Variants in PCDHGB1 observed in about 807,000 individuals in gnomAD.
PCDHGB1 encodes the protein protocadherin gamma-B1.
PCDHGB1 carries 34 observed loss-of-function variants against 56.6 expected under a neutral mutation model. The ratio of observed to expected loss-of-function variants is 0.60; its 90% confidence interval spans 0.46 to 0.80. The LOEUF is 0.80. Ranked by LOEUF, PCDHGB1 falls within the 30% of genes least tolerant of loss-of-function variation. The pLI, the probability that PCDHGB1 is intolerant of heterozygous loss-of-function variation, is 0.00. For missense variants in PCDHGB1, 1,278 were observed against 1,204.6 expected (o/e 1.06, Z -0.90); for synonymous variants, 561 against 505.9 (o/e 1.11, Z -1.46).
intron 1 of PCDHGB1, chr5:141,395,097 G>C (rs376460647): frequency 1.9e-6 from 3 of 1,614,158 alleles, no homozygotes; most frequent in Non-Finnish European, 2.5e-6. Flanking sequence ...CCTCACCGCC[G>C]ACTCGCGGAA....
intron 1 of PCDHGB1, chr5:141,399,894 C>T (rs201911174): frequency 1.9e-6 from 3 of 1,612,570 alleles, no homozygotes; most frequent in Non-Finnish European, 2.5e-6. Context: ...AGGTAGTGGC[C>T]GTGGACGCAG....
chr5:141,424,055 C>A, intron 1 of PCDHGB1: 2 of 1,007,784 alleles, frequency 2.0e-6, no homozygotes, highest in Non-Finnish European at 1.2e-6. Context: ...TTTTGCTGTG[C>A]CTTCACTGAT....
At chr5:141,393,211 T>G (rs1310978287) in intron 1 of PCDHGB1, 3 of 1,613,502 alleles carry the variant, frequency 1.9e-6, no homozygotes, top group Non-Finnish European at 1.7e-6. Flanking sequence ...AACCCAAAAT[T>G]CCAGGTCGAA....
At chr5:141,510,906 C>G in intron 3 of PCDHGB1, 41 bp from the exon 4 acceptor site, 1 of 1,613,582 alleles carries the variant, frequency 6.2e-7, no homozygotes, top group Non-Finnish European at 8.5e-7. Context: ...TGTTGAGGAC[C>G]CTAAGTTTAG....
intron 1 of PCDHGB1, chr5:141,361,139 T>G (rs1305491971): frequency 1.2e-6 from 2 of 1,613,878 alleles, no homozygotes; most frequent in Non-Finnish European, 1.7e-6. Context: ...AGTATCCAAG[T>G]TGAAATTCTT....
chr5:141,427,481 C>G, intron 1 of PCDHGB1: 2 of 534,060 alleles, frequency 3.7e-6, no homozygotes, highest in Non-Finnish European at 7.2e-6. Flanking sequence ...CCAATAATGA[C>G]TATAAGCTTG....
chr5:141,370,709 A>G lies in PCDHGB1; in HGVS notation c.2409+18040A>G, dbSNP rs759693672. On this transcript the variant is annotated intron_variant, in intron 1 of 3. Coordinates refer to ENST00000523390, the MANE Select transcript of PCDHGB1 (RefSeq NM_018922.3). ...GCAAGAAGTCGACGTGTGTTCTGGA[A>G]TTTGAAATGGTTGCTGAAAAGCCTT... 3 of 1,613,738 alleles carry G rather than the reference A, an allele frequency of 1.9e-6. No individual in the cohort carries two copies. The African/African-American group carries it at 4.0e-5, about 22-fold the overall frequency.
intron 1 of PCDHGB1, chr5:141,418,998 G>C (rs757681244): frequency 1.9e-6 from 3 of 1,613,940 alleles, no homozygotes; most frequent in South Asian, 1.1e-5. Context: ...GGGGAAAATG[G>C]GGAAGTCAGG....
At chr5:141,371,401 A>G (rs776331475) in intron 1 of PCDHGB1, 4 of 1,614,018 alleles carry the variant, frequency 2.5e-6, no homozygotes, top group Admixed American at 3.3e-5. Flanking sequence ...GTACAGATAG[A>G]TATTTCAGAT....
rs1433950900 is a variant in PCDHGB1, at chr5:141,350,227, C to G, written c.-34C>G. ...CTGCCATTTCTTTTTGAAAAACATC[C>G]CAGAGGAAAGAAGCTCCGCGGAGAG... is the stretch of plus-strand genomic sequence containing the variant. On this transcript the variant is annotated 5_prime_UTR_variant, in exon 1 of 4. Coordinates refer to ENST00000523390, the MANE Select transcript of PCDHGB1 (RefSeq NM_018922.3). The G allele has an allele frequency of 1.3e-6, 2 of 1,496,214 alleles. No individual in the cohort carries two copies. The highest frequency in any genetic ancestry group is 2.3e-5 in the East Asian group (1 of 43,414). The allele number at this position is 1,496,214 out of a possible 1,614,324, so 92.7% of individuals were successfully genotyped here. A position where few individuals can be genotyped will look rare whatever the true frequency, so the allele number is the denominator to read the frequency against.
rs765819865 is a variant in PCDHGB1, at chr5:141,394,837, TG to T, written c.2409+42171del. ...AGCATCCCCGAAGTCCTGACCGAGT[TG>T]GGCAGTCTGAAGCCTTCGGTCGACC... On this transcript the variant is annotated intron_variant, in intron 1 of 3. Transcript: ENST00000523390. The T allele has an allele frequency of 1.9e-6, 3 of 1,613,824 alleles. No homozygotes were observed. The South Asian group carries it at 3.3e-5, about 18-fold the overall frequency.
chr5:141,408,559 C>T (rs1490844526), intron 1 of PCDHGB1: 3 of 1,614,000 alleles, frequency 1.9e-6, no homozygotes, highest in Non-Finnish European at 2.5e-6. Flanking sequence ...TTTTTCATGT[C>T]ATTGTGGTGA....
At chr5:141,371,477 GCTGGGGA>G (rs1767781947) in intron 1 of PCDHGB1, 2 of 1,613,972 alleles carry the variant, frequency 1.2e-6, no homozygotes, top group African/African-American at 2.7e-5. Flanking sequence ...AAGATGCTGA[GCTGGGGA>G]CTGCCGTTGC....
intron 1 of PCDHGB1, among the ~76,000 whole-genome samples, chr5:141,451,579 A>T (rs1222576609): frequency 6.6e-6 from 1 of 152,084 alleles, no homozygotes; most frequent in African/African-American, 2.4e-5. Flanking sequence ...TTATAAACCT[A>T]ATTTTGAAAG....
rs1212381177 is a variant in PCDHGB1 at position 141,438,571 on chromosome 5, TATAC to T, written c.2410-56216_2410-56213del. ...GCCCTAATAAGAGGCAGCTGTCTGATATACATACATACATACATACATATATATA... is the reference window on the plus strand; with the variant it reads ...GCCCTAATAAGAGGCAGCTGTCTGATATACATACATACATACATATATATA... On this transcript the variant is annotated intron_variant, in intron 1 of 3. Transcript: ENST00000523390. 9.4e-4 allele frequency among the ~76,000 whole-genome samples: 89 copies of T among 94,500 alleles called. 1 individual carries two copies. The highest frequency in any genetic ancestry group is 1.8e-3 in the African/African-American group (37 of 20,720). The allele number at this position is 94,500 out of a possible 152,430, so 62.0% of individuals were successfully genotyped here.
At chr5:141,391,264 G>A (rs1427432631) in intron 1 of PCDHGB1, 1 of 151,768 alleles carries the variant, frequency 6.6e-6, no homozygotes, top group Non-Finnish European at 1.5e-5. Context: ...TCAGTTAATG[G>A]CCACTTTACA....
chr5:141,355,393 C>T lies in PCDHGB1; in HGVS notation c.2409+2724C>T, dbSNP rs375047889. 2.4e-5 allele frequency: 38 copies of T among 1,613,946 alleles called. No individual in the cohort carries two copies. The African/African-American group carries it at 4.7e-4, about 20-fold the overall frequency. On this transcript the variant is annotated intron_variant, in intron 1 of 3. Transcript: ENST00000523390. ...CCGGGAGCTGGCGGAGCGCGGAGTC[C>T]GCATCGTCTCCAGAGGTAGGACGCA...
intron 1 of PCDHGB1, among the ~76,000 whole-genome samples, chr5:141,386,156 G>A (rs3806832): frequency 0.081 from 12,379 of 152,152 alleles, 653 homozygotes; most frequent in African/African-American, 0.15. Context: ...ACTGTCTCAC[G>A]TACTCAAACC....
intron 1 of PCDHGB1, chr5:141,414,409 A>G: frequency 1.2e-6 from 2 of 1,613,870 alleles, no homozygotes; most frequent in Non-Finnish European, 8.5e-7. Flanking sequence ...GGTGATACAC[A>G]GAGCCCTTGA....
Sources: gnomAD v4.1 joint callset for allele counts (sites outside exome capture counted in the v4.1 genomes callset) on GRCh38, gnomAD v4.1.1 for gene constraint, MANE v1.5 for transcripts, NCBI Gene and HGNC (gene_info 2026-07-23, HGNC 2026-07-21) for gene names.